ARHGAP22: variants seen among roughly 807,000 people sequenced by gnomAD.
ARHGAP22 encodes the protein Rho GTPase activating protein 22, also known as rho GTPase-activating protein 22.
Under a neutral mutation model 59.1 loss-of-function variants are expected in ARHGAP22, and 48 were observed. That is an observed-to-expected ratio of 0.81 (90% confidence interval 0.64 to 1.03). ARHGAP22 has a LOEUF of 1.03. ARHGAP22 is among the 50% of genes least tolerant of loss of function. The pLI, the probability that ARHGAP22 is intolerant of heterozygous loss-of-function variation, is 0.00. For synonymous variants in ARHGAP22, 445 were observed against 416.4 expected, an observed-to-expected ratio of 1.07 and a Z score of -0.84; for missense variants, 1,015 against 958.7, an observed-to-expected ratio of 1.06 and a Z score of -0.78.
At chr10:48,561,537 G>A (rs2057687933) in intron 2 of ARHGAP22, among the ~76,000 whole-genome samples, 1 of 152,134 alleles carries the variant, frequency 6.6e-6, no homozygotes, top group African/African-American at 2.4e-5. Context: ...AACACATTAA[G>A]AGAGTGAAAA....
the ARHGAP22 span, chr10:48,431,162 A>T: frequency 6.8e-7 from 1 of 1,471,630 alleles, no homozygotes; most frequent in South Asian, 1.1e-5. Flanking sequence ...TTAGACTTTG[A>T]AAAGTTCATT....
At chr10:48,582,411 T>C (rs1399892795) in intron 2 of ARHGAP22, among the ~76,000 whole-genome samples, 1 of 152,222 alleles carries the variant, frequency 6.6e-6, no homozygotes, top group African/African-American at 2.4e-5. Flanking sequence ...GGCTATACTG[T>C]GATGGGCGAG....
intron 3 of ARHGAP22, among the ~76,000 whole-genome samples, chr10:48,547,145 T>C (rs1270040016): frequency 6.6e-6 from 1 of 152,238 alleles, no homozygotes; most frequent in Admixed American, 6.5e-5. Flanking sequence ...AACAGGAAGA[T>C]GGCTCCCAGG....
At chr10:48,513,884 C>G (rs537916663) in intron 3 of ARHGAP22, among the ~76,000 whole-genome samples, 1 of 152,102 alleles carries the variant, frequency 6.6e-6, no homozygotes, top group South Asian at 2.1e-4. Context: ...CTAAAGGAAA[C>G]TATGTCTATA....
At chr10:48,603,071 G>A (rs966025461) in intron 1 of ARHGAP22, among the ~76,000 whole-genome samples, 4 of 152,226 alleles carry the variant, frequency 2.6e-5, no homozygotes, top group African/African-American at 9.7e-5. Context: ...ACTGAGGACT[G>A]GAAGAGGGCT....
chr10:48,654,143 G>A (rs1589350201), upstream of ARHGAP22, among the ~76,000 whole-genome samples: 3 of 152,254 alleles, frequency 2.0e-5, no homozygotes, highest in Middle Eastern at 3.4e-3. Flanking sequence ...CTCATAATAT[G>A]GACTTCAGGC....
At chr10:48,459,989 G>A in intron 4 of ARHGAP22, 98 bp from the exon 5 acceptor site, 1 of 1,277,446 alleles carries the variant, frequency 7.8e-7, no homozygotes, top group Non-Finnish European at 1.1e-6. Flanking sequence ...GGCTAAAGGT[G>A]GCTCCTCCTC....
At chr10:48,451,339 G>T (rs780295938) in intron 8 of ARHGAP22, 199 bp from the exon 9 acceptor site, 1 of 778,444 alleles carries the variant, frequency 1.3e-6, no homozygotes, top group South Asian at 1.4e-5. Context: ...GGATGGGGCC[G>T]CAGAACCGCC....
intron 3 of ARHGAP22, among the ~76,000 whole-genome samples, chr10:48,501,410 G>A: frequency 6.6e-6 from 1 of 152,224 alleles, no homozygotes; most frequent in East Asian, 1.9e-4. Context: ...GGCCAGTGCA[G>A]GGCCCCTGAG....
chr10:48,435,076 A>G, the ARHGAP22 span: 3 of 1,416,926 alleles, frequency 2.1e-6, no homozygotes, highest in Non-Finnish European at 2.8e-6. Context: ...TCGGTTAGTC[A>G]TTGATAGAAC....
chr10:48,453,068 G>A (rs1288092723), intron 8 of ARHGAP22, among the ~76,000 whole-genome samples: 2 of 152,198 alleles, frequency 1.3e-5, no homozygotes, highest in Non-Finnish European at 2.9e-5. Flanking sequence ...CCAGTGACCT[G>A]CTGCTGCCCA....
At chr10:48,604,686 C>A (rs1279337456) in intron 1 of ARHGAP22, 77 bp downstream of exon 1, 3 of 1,610,288 alleles carry the variant, frequency 1.9e-6, no homozygotes, top group East Asian at 4.5e-5. Flanking sequence ...CATGGCGTGA[C>A]GGCTGGCCAA....
intron 1 of ARHGAP22, among the ~76,000 whole-genome samples, chr10:48,615,148 C>T (rs902602201): frequency 1.3e-5 from 2 of 152,126 alleles, no homozygotes; most frequent in African/African-American, 4.8e-5. Flanking sequence ...AGGAAAGACC[C>T]AAAAAGACCT....
Position 48,446,320 on chromosome 10 carries a change from C to A in ARHGAP22, c.*71G>T. 1 of 1,537,038 alleles carries A rather than the reference C, an allele frequency of 6.5e-7. No individual in the cohort carries two copies. Among genetic ancestry groups the A allele is most frequent in the Non-Finnish European group, 8.9e-7 (1 of 1,123,694 alleles). Reference sequence around the variant, plus strand: ...AGAGCGCCTGGCTGCTCCAGAGATACAGACGCTTCTAACTCCATACAAGGC... The same window carrying A: ...AGAGCGCCTGGCTGCTCCAGAGATAAAGACGCTTCTAACTCCATACAAGGC... On this transcript the variant is annotated 3_prime_UTR_variant, in exon 10 of 10. Coordinates refer to ENST00000249601, the MANE Select transcript of ARHGAP22 (RefSeq NM_021226.4).
At chr10:48,652,088 C>A in intron 1 of ARHGAP22, 1 of 705,554 alleles carries the variant, frequency 1.4e-6, no homozygotes, top group Non-Finnish European at 2.4e-6. Flanking sequence ...TTTCCAGGAG[C>A]TGAAGGAGGT....
intron 5 of ARHGAP22, among the ~76,000 whole-genome samples, chr10:48,456,904 G>A (rs374975343): frequency 6.8e-6 from 1 of 147,860 alleles, no homozygotes; most frequent in African/African-American, 2.5e-5. Flanking sequence ...CTAAACTGCT[G>A]TCCCCTTCCC....
chr10:48,551,012 T>G (rs372431250), intron 3 of ARHGAP22, among the ~76,000 whole-genome samples: 2 of 152,166 alleles, frequency 1.3e-5, no homozygotes, highest in African/African-American at 4.8e-5. Flanking sequence ...CCTCACGGAC[T>G]GGGGTGTGCT....
intron 3 of ARHGAP22, among the ~76,000 whole-genome samples, chr10:48,513,479 C>A (rs1270123468): frequency 6.6e-6 from 1 of 152,216 alleles, no homozygotes; most frequent in Non-Finnish European, 1.5e-5. Context: ...CACAAACATA[C>A]ATGTGCAAAC....
chr10:48,446,536 A>G lies in ARHGAP22; in HGVS notation c.1952T>C (p.Met651Thr), dbSNP rs923358681. Reference protein sequence around the residue: ...ELDQEKKKYIMLEIKLRNSER... With the variant: ...ELDQEKKKYITLEIKLRNSER... Reference sequence around the variant, plus strand: ...AGAGTTCCGCAGCTTTATTTCCAGCATGATGTATTTTTTCTTTTCCTGGTC... The same window carrying G: ...AGAGTTCCGCAGCTTTATTTCCAGCGTGATGTATTTTTTCTTTTCCTGGTC... Residue 651 changes from methionine to threonine, a missense_variant, in exon 10 of 10, where the codon ATG becomes ACG. By Grantham distance (81) the Met-to-Thr change is moderately conservative. Transcript: ENST00000249601. The G allele has an allele frequency of 3.7e-6, 6 of 1,614,150 alleles. No homozygotes were observed. Among genetic ancestry groups the G allele is most frequent in the Non-Finnish European group, 5.1e-6 (6 of 1,180,026 alleles).
Sources: gnomAD v4.1 joint callset for allele counts (sites outside exome capture counted in the v4.1 genomes callset) on GRCh38, gnomAD v4.1.1 for gene constraint, MANE v1.5 for transcripts, NCBI Gene and HGNC (gene_info 2026-07-23, HGNC 2026-07-21) for gene names.